SKAP1: variants seen among roughly 807,000 people sequenced by gnomAD.
SKAP1 encodes src kinase-associated phosphoprotein 1.
A neutral mutation model predicts 58.5 loss-of-function variants in SKAP1; 44 were observed. That is an observed-to-expected ratio of 0.75 (90% CI 0.59 to 0.97). The LOEUF (loss-of-function observed/expected upper bound fraction) is 0.97. Among genes scored for constraint, SKAP1 ranks in the 50% least tolerant of loss-of-function variants. The pLI is 0.00. For synonymous variants in SKAP1, 127 were observed against 149.7 expected (o/e 0.85, Z 1.11); for missense variants, 390 against 435.2 (o/e 0.90, Z 0.92).
intron 2 of SKAP1, among the ~76,000 whole-genome samples, chr17:48,373,841 A>G (rs1440945401): frequency 6.6e-6 from 1 of 152,214 alleles, no homozygotes; most frequent in East Asian, 1.9e-4. Context: ...CTACCCAGAA[A>G]GGCCAACATC....
intron 8 of SKAP1, among the ~76,000 whole-genome samples, chr17:48,181,464 A>C (rs1262126993): frequency 6.6e-6 from 1 of 152,184 alleles, no homozygotes; most frequent in Non-Finnish European, 1.5e-5. Flanking sequence ...ATTATACGTG[A>C]CGCTGTTGGT....
intron 4 of SKAP1, among the ~76,000 whole-genome samples, chr17:48,216,595 G>A (rs1202511330): frequency 6.6e-6 from 1 of 151,844 alleles, no homozygotes; most frequent in Non-Finnish European, 1.5e-5. Flanking sequence ...GGGATCAAGG[G>A]ATCCTCTCAC....
chr17:48,213,006 TG>T (rs1266423006), intron 4 of SKAP1, among the ~76,000 whole-genome samples: 3 of 152,072 alleles, frequency 2.0e-5, no homozygotes, highest in Non-Finnish European at 4.4e-5. Context: ...CTTCTTAAAA[TG>T]GGGGGCTGAG....
At chr17:48,362,704 G>A (rs1370587291) in intron 3 of SKAP1, among the ~76,000 whole-genome samples, 3 of 151,932 alleles carry the variant, frequency 2.0e-5, no homozygotes, top group African/African-American at 7.3e-5. Context: ...TCTTAAAGAT[G>A]GCTTTAAAAT....
At chr17:48,366,715 A>C (rs1305837904) in intron 2 of SKAP1, among the ~76,000 whole-genome samples, 1 of 152,196 alleles carries the variant, frequency 6.6e-6, no homozygotes, top group African/African-American at 2.4e-5. Context: ...CAAATGGCTG[A>C]GCAATTTTCC....
At chr17:48,435,659 G>C in the SKAP1 span, among the ~76,000 whole-genome samples, 1 of 152,088 alleles carries the variant, frequency 6.6e-6, no homozygotes, top group Non-Finnish European at 1.5e-5. Flanking sequence ...TTATTTCAAA[G>C]GTAAAAAAAT....
chr17:48,284,042 C>G (rs918751013), intron 4 of SKAP1, among the ~76,000 whole-genome samples: 2 of 152,056 alleles, frequency 1.3e-5, no homozygotes, highest in Non-Finnish European at 2.9e-5. Flanking sequence ...GGAGCTGCTC[C>G]CTCCCTTTCA....
In SKAP1 at chr17:48,326,972, A is replaced by T. The variant is rs545113935; in HGVS notation, c.280+18933T>A. ...AGTGGCGTGACCTTGGCTCACTGCA[A>T]CCTCTGTCTCCCACTTCAAGTGATT... On this transcript the variant is annotated intron_variant, in intron 4 of 12. Coordinates refer to ENST00000336915, the MANE Select transcript of SKAP1 (RefSeq NM_003726.4). Among the ~76,000 whole-genome samples the T allele has an allele frequency of 2.0e-5, 3 of 150,294 alleles. No homozygotes were observed. In the South Asian group the frequency reaches 6.3e-4, roughly 32 times the overall value.
chr17:48,354,152 A>G (rs996872764), intron 3 of SKAP1, among the ~76,000 whole-genome samples: 1 of 152,192 alleles, frequency 6.6e-6, no homozygotes, highest in Non-Finnish European at 1.5e-5. Flanking sequence ...TTTCTTTGTG[A>G]TAACATAAAC....
chr17:48,296,525 C>G (rs1054027104), intron 4 of SKAP1, among the ~76,000 whole-genome samples: 1 of 152,102 alleles, frequency 6.6e-6, no homozygotes, highest in Non-Finnish European at 1.5e-5. Context: ...TTTCAAAATA[C>G]CATATATGCT....
chr17:48,430,660 T>A (rs938577006), upstream of SKAP1, among the ~76,000 whole-genome samples: 1 of 152,180 alleles, frequency 6.6e-6, no homozygotes, highest in Admixed American at 6.5e-5. Flanking sequence ...ACTTCGCTCT[T>A]TGGGAAGCCA....
chr17:48,203,772 G>C (rs1039915494), intron 4 of SKAP1: 2 of 152,146 alleles, frequency 1.3e-5, no homozygotes, highest in Non-Finnish European at 2.9e-5. Context: ...AGGAAAAAAA[G>C]AACTAAAGTG....
intron 4 of SKAP1, among the ~76,000 whole-genome samples, chr17:48,343,243 A>AT (rs1429677553): frequency 6.6e-6 from 1 of 152,188 alleles, no homozygotes; most frequent in African/African-American, 2.4e-5. Flanking sequence ...AATAAGTAGC[A>AT]TATCAAGTGT....
At chr17:48,266,992 A>G (rs910671224) in intron 4 of SKAP1, among the ~76,000 whole-genome samples, 1 of 152,228 alleles carries the variant, frequency 6.6e-6, no homozygotes, top group African/African-American at 2.4e-5. Context: ...TGCTTGAAGG[A>G]AAGCCCTCAT....
At chr17:48,206,341 C>T (rs2064810078) in intron 4 of SKAP1, among the ~76,000 whole-genome samples, 1 of 151,958 alleles carries the variant, frequency 6.6e-6, no homozygotes, top group Admixed American at 6.6e-5. Context: ...GCTTCCATGT[C>T]CTCCCTGGCT....
At chr17:48,373,024 C>T (rs2067105896) in intron 2 of SKAP1, among the ~76,000 whole-genome samples, 1 of 152,178 alleles carries the variant, frequency 6.6e-6, no homozygotes. Flanking sequence ...GCCAAGATCA[C>T]ATAGCTACTA....
intron 4 of SKAP1, among the ~76,000 whole-genome samples, chr17:48,289,847 G>A (rs1488298878): frequency 6.6e-6 from 1 of 151,886 alleles, no homozygotes; most frequent in Non-Finnish European, 1.5e-5. Context: ...ATTACAAAAT[G>A]AATTTTATTT....
chr17:48,359,498 T>G (rs1189262433), intron 3 of SKAP1, among the ~76,000 whole-genome samples: 1 of 152,240 alleles, frequency 6.6e-6, no homozygotes, highest in Non-Finnish European at 1.5e-5. Flanking sequence ...GTTTATACAT[T>G]CGTTGGTAAA....
chr17:48,265,500 AAAAGCAAGC>A (rs1207288501), intron 4 of SKAP1, among the ~76,000 whole-genome samples: 62 of 119,620 alleles, frequency 5.2e-4, no homozygotes, highest in East Asian at 1.4e-3. Context: ...CAAAAAAAAA[AAAAGCAAGC>A]AAGCAAGCAA....
Sources: allele counts gnomAD v4.1 joint callset (sites outside exome capture counted in the v4.1 genomes callset), GRCh38; gene constraint gnomAD v4.1.1; transcripts MANE v1.5; gene names NCBI Gene and HGNC (gene_info 2026-07-23, HGNC 2026-07-21).